Variants in FMO4 observed in about 807,000 individuals in gnomAD.
The protein encoded by FMO4 is dimethylaniline monooxygenase [N-oxide-forming] 4.
Under a neutral mutation model 43.3 loss-of-function variants are expected in FMO4, and 38 were observed. The observed-to-expected ratio is 0.88, with a 90% CI of 0.68 to 1.15. The LOEUF (loss-of-function observed/expected upper bound fraction) is 1.15. FMO4 is among the 50% of genes most tolerant of loss of function. The pLI, the probability that FMO4 is intolerant of heterozygous loss-of-function variation, is 0.00. For synonymous variants in FMO4, 224 were observed against 232.2 expected (o/e 0.96, Z 0.32); for missense variants, 631 against 663.3 (o/e 0.95, Z 0.54).
At chr1:171,324,885 G>A (rs1171465923) in intron 5 of FMO4, among the ~76,000 whole-genome samples, 2 of 146,820 alleles carry the variant, frequency 1.4e-5, no homozygotes, top group African/African-American at 5.5e-5. Context: ...ACTTTGGGAG[G>A]CCGAGGGAGG....
At chr1:171,339,301 C>T (rs1202514441) in intron 9 of FMO4, among the ~76,000 whole-genome samples, 3 of 152,088 alleles carry the variant, frequency 2.0e-5, no homozygotes, top group Non-Finnish European at 4.4e-5. Flanking sequence ...AAGTTTCTCT[C>T]GAGTTTTTAA....
rs761364294 is a variant in FMO4, at chr1:171,334,641, A to C, written c.1058A>C (p.Lys353Thr). ...TGTACAAAGAAGATATTTCTATACAAGCAAGTCTTTCCCTTAAACCTAGAG... is the reference window on the plus strand; with the variant it reads ...TGTACAAAGAAGATATTTCTATACACGCAAGTCTTTCCCTTAAACCTAGAG... Reference protein sequence around the residue: ...SLCTKKIFLYKQVFPLNLERA... With the variant: ...SLCTKKIFLYTQVFPLNLERA... The change falls in exon 8 of 10, where the codon AAG becomes ACG. Residue 353 changes from lysine to threonine, a missense_variant. Coordinates refer to ENST00000367749, the MANE Select transcript of FMO4 (RefSeq NM_002022.3). The C allele has an allele frequency of 6.2e-7, 1 of 1,613,594 alleles. No individual in the cohort carries two copies. The highest frequency in any genetic ancestry group is 1.7e-5 in the Admixed American group (1 of 60,010).
chr1:171,328,636 C>A (rs1377186125), intron 5 of FMO4, among the ~76,000 whole-genome samples: 11 of 149,374 alleles, frequency 7.4e-5, no homozygotes, highest in African/African-American at 2.5e-4. Context: ...GGTGACAGAG[C>A]AAGACCCTGT....
chr1:171,323,038 A>T lies in FMO4; in HGVS notation c.167A>T (p.Lys56Met). 6.2e-7 allele frequency: 1 copy of T among 1,613,558 alleles called. No homozygotes were observed. The highest frequency in any genetic ancestry group is 8.5e-7 in the Non-Finnish European group (1 of 1,179,550). ...SSKDGMTRVYKSLVTNVCKEM... is the reference protein window; with the variant it reads ...SSKDGMTRVYMSLVTNVCKEM... ...AAAGATGGGATGACCAGGGTCTATA[A>T]GTCATTAGTGACAAATGTCTGTAAG... The change falls in exon 4 of 10, where the codon AAG becomes ATG. Residue 56 changes from lysine to methionine, a missense_variant. By Grantham distance (95) the Lys-to-Met change is moderately conservative. Coordinates refer to ENST00000367749, the MANE Select transcript of FMO4 (RefSeq NM_002022.3).
In FMO4 at chr1:171,341,737, C is replaced by T. The variant is rs763170408; in HGVS notation, c.1575C>T (p.Ala525=). Residue 525 remains alanine (A), a synonymous_variant, in exon 10 of 10, where the codon GCC becomes GCT. Coordinates refer to ENST00000367749, the MANE Select transcript of FMO4 (RefSeq NM_002022.3). ...CCTGGGGGGCACCTGTCCTACTTGC[C>T]TCTCTTCTACTTATCTGTAAATCTT... ...LKAWGAPVLL[A]SLLLICKSSL... The T allele has an allele frequency of 1.2e-6, 2 of 1,613,634 alleles. No homozygotes were observed. Among genetic ancestry groups the T allele is most frequent in the African/African-American group, 2.7e-5 (2 of 74,912 alleles).
At chr1:171,333,911 C>G (rs1023647911) in intron 7 of FMO4, among the ~76,000 whole-genome samples, 27 of 152,112 alleles carry the variant, frequency 1.8e-4, no homozygotes, top group African/African-American at 6.0e-4. Context: ...CACCTCTGCC[C>G]TCCCCGGGCT....
intron 8 of FMO4, among the ~76,000 whole-genome samples, chr1:171,336,451 G>T (rs1663118771): frequency 6.6e-6 from 1 of 152,166 alleles, no homozygotes; most frequent in East Asian, 1.9e-4. Context: ...GAGTCCAAGT[G>T]CTAAGACTGT....
chr1:171,325,718 G>A (rs1322497892), intron 5 of FMO4, among the ~76,000 whole-genome samples: 1 of 149,122 alleles, frequency 6.7e-6, no homozygotes, highest in African/African-American at 2.5e-5. Context: ...TGCTGTAAGT[G>A]CCAAACTATT....
intron 5 of FMO4, among the ~76,000 whole-genome samples, chr1:171,327,904 T>A (rs1662731737): frequency 6.6e-6 from 1 of 152,142 alleles, no homozygotes; most frequent in Non-Finnish European, 1.5e-5. Context: ...CAGAGCTAAA[T>A]TCTTTCTCAG....
At chr1:171,327,320 C>G (rs981125528) in intron 5 of FMO4, among the ~76,000 whole-genome samples, 1 of 152,238 alleles carries the variant, frequency 6.6e-6, no homozygotes, top group Non-Finnish European at 1.5e-5. Context: ...TTAATGCCTT[C>G]TCTTCTGGGA....
At chr1:171,333,855 C>T (rs1663001416) in intron 7 of FMO4, among the ~76,000 whole-genome samples, 1 of 152,058 alleles carries the variant, frequency 6.6e-6, no homozygotes, top group Non-Finnish European at 1.5e-5. Context: ...GAGTCTCACT[C>T]TGTTGCCCAA....
chr1:171,329,435 G>T (rs994348958), intron 5 of FMO4, among the ~76,000 whole-genome samples: 1 of 152,122 alleles, frequency 6.6e-6, no homozygotes, highest in Non-Finnish European at 1.5e-5. Flanking sequence ...TGTTCAAATT[G>T]CCACCTTGGG....
intron 2 of FMO4, among the ~76,000 whole-genome samples, chr1:171,317,436 A>C (rs1365751918): frequency 6.6e-6 from 1 of 152,214 alleles, no homozygotes; most frequent in Non-Finnish European, 1.5e-5. Context: ...AGTGGGTTGC[A>C]GGGAAATGCA....
rs540737095 is a variant in FMO4, at chr1:171,330,996, A to T, written c.485-644A>T. Among the ~76,000 whole-genome samples the T allele has an allele frequency of 4.6e-5, 7 of 152,350 alleles. No individual in the cohort carries two copies. In the South Asian group the frequency reaches 1.4e-3, roughly 32 times the overall value. ...TAATAAAGCATAAAGTACAAGTAAC[A>T]TGAACTTAAATCACTAGAATAATTA... On this transcript the variant is annotated intron_variant, in intron 5 of 9. Transcript: ENST00000367749.
Position 171,332,595 on chromosome 1 carries a change from A to G in FMO4, c.628-114A>G, listed in dbSNP as rs189674987. The G allele has an allele frequency of 9.3e-4, 734 of 785,432 alleles. 4 individuals carry two copies. The highest frequency in any genetic ancestry group is 1.0e-3 in the Non-Finnish European group (481 of 482,742). 48.7% of individuals were successfully genotyped at this position (785,432 alleles called of 1,614,324 possible). The stretch of plus-strand genomic sequence containing the variant: ...TGTAGACCTATGTACAAATTCACCA[A>G]TCCTCTGTTGTTAAAAGACCAGACT... On this transcript the variant is annotated intron_variant, in intron 6 of 9. Transcript: ENST00000367749.
chr1:171,320,225 T>C (rs971420439), intron 3 of FMO4, among the ~76,000 whole-genome samples: 1 of 152,236 alleles, frequency 6.6e-6, no homozygotes, highest in East Asian at 1.9e-4. Context: ...TGGACATTTA[T>C]GATGATTTCT....
At chr1:171,337,523 C>A in intron 9 of FMO4, 98 bp downstream of exon 9, 1 of 826,234 alleles carries the variant, frequency 1.2e-6, no homozygotes. Flanking sequence ...AGCAGTATGG[C>A]AGGTTGGAAA....
intron 5 of FMO4, among the ~76,000 whole-genome samples, chr1:171,329,212 G>A (rs951751234): frequency 6.6e-6 from 1 of 151,952 alleles, no homozygotes; most frequent in Non-Finnish European, 1.5e-5. Context: ...CCCAATCCTG[G>A]GCTAGTTTTC....
intron 7 of FMO4, 111 bp downstream of exon 7, chr1:171,333,019 C>A: frequency 1.5e-6 from 1 of 658,254 alleles, no homozygotes; most frequent in Non-Finnish European, 2.6e-6. Flanking sequence ...GTTTATTCTA[C>A]TCTAAATCCA....
Sources: gnomAD v4.1 joint callset for allele counts (sites outside exome capture counted in the v4.1 genomes callset) on GRCh38, gnomAD v4.1.1 for gene constraint, MANE v1.5 for transcripts, NCBI Gene and HGNC (gene_info 2026-07-23, HGNC 2026-07-21) for gene names.